The following OR52L1 variants were observed in gnomAD, a reference collection of about 807,000 sequenced individuals.
OR52L1 encodes the protein olfactory receptor family 52 subfamily L member 1.
A neutral mutation model predicts 16.1 loss-of-function variants in OR52L1; 15 were observed. The observed-to-expected ratio is 0.93, with a 90% confidence interval of 0.62 to 1.44. The LOEUF is 1.44. OR52L1 is among the 40% of genes most tolerant of loss of function. The probability of loss-of-function intolerance (pLI) is 0.00; values close to 1 mark genes in which losing one functional copy is unlikely to be tolerated. For missense variants in OR52L1, 406 were observed against 402.3 expected (o/e 1.01, Z -0.08); for synonymous variants, 166 against 159.2 (o/e 1.04, Z -0.32).
In OR52L1 at chr11:5,986,184, A is replaced by G; in HGVS notation, c.747T>C (p.Ser249=). ...TGCTAAACGCCTTAAGTCGGGCCTC[A>G]CTCCCTGGTACCTTCAGCACTGCCT... is the stretch of plus-strand genomic sequence containing the variant. ...ILQAVLKVPG[S]EARLKAFSTC... Residue 249 remains serine, a synonymous_variant, in exon 1 of 1, where the codon AGT becomes AGC. Transcript: ENST00000332249. 1 of 1,613,692 alleles carries G rather than the reference A, an allele frequency of 6.2e-7. No individual in the cohort carries two copies. The highest frequency in any genetic ancestry group is 1.3e-5 in the African/African-American group (1 of 74,956).
Position 5,986,211 on chromosome 11 carries a change from G to A in OR52L1, c.720C>T (p.Leu240=). The A allele has an allele frequency of 1.2e-6, 2 of 1,613,806 alleles. No individual in the cohort carries two copies. Among genetic ancestry groups the A allele is most frequent in the Non-Finnish European group, 8.5e-7 (1 of 1,179,894 alleles). The change falls in exon 1 of 1, where the codon CTC becomes CTT. Residue 240 remains leucine, a synonymous_variant. Coordinates refer to ENST00000332249, the MANE Select transcript of OR52L1 (RefSeq NM_001005173.3). ...TCCCTGGTACCTTCAGCACTGCCTGGAGGATGTGGGCATAGGAAACACCAA... is the reference window on the plus strand; with the variant it reads ...TCCCTGGTACCTTCAGCACTGCCTGAAGGATGTGGGCATAGGAAACACCAA... ...LAIGVSYAHI[L]QAVLKVPGSE...
rs746164401 is a variant in OR52L1, at chr11:5,986,241, C to A, written c.690G>T (p.Leu230=). ...MALLVIGLDV[L]AIGVSYAHIL... Reference sequence around the variant, plus strand: ...TGTGGGCATAGGAAACACCAATGGCCAGAACATCCAGCCCAATCACAAGCA... The same window carrying A: ...TGTGGGCATAGGAAACACCAATGGCAAGAACATCCAGCCCAATCACAAGCA... The change falls in exon 1 of 1, where the codon CTG becomes CTT. Residue 230 remains leucine (L), a synonymous_variant. Transcript: ENST00000332249. The A allele has an allele frequency of 6.2e-6, 10 of 1,613,634 alleles. No homozygotes were observed. The highest frequency in any genetic ancestry group is 8.5e-6 in the Non-Finnish European group (10 of 1,179,886).
Position 5,986,002 on chromosome 11 carries a change from T to C in OR52L1, c.929A>G (p.Tyr310Cys). Residue 310 changes from tyrosine (Y) to cysteine (C), a missense_variant, in exon 1 of 1, where the codon TAT (tyrosine) becomes TGT (cysteine). Coordinates refer to ENST00000332249, the MANE Select transcript of OR52L1 (RefSeq NM_001005173.3). Reference sequence around the variant, plus strand: ...GCGGATCTGCTGAGTCTTCACTCCATAGACAAGAGGATTGAGCGCAGGTGG... The same window carrying C: ...GCGGATCTGCTGAGTCTTCACTCCACAGACAAGAGGATTGAGCGCAGGTGG... The part of the protein sequence containing the change: ...LMPPALNPLV[Y>C]GVKTQQIRQR... The C allele has an allele frequency of 1.2e-6, 2 of 1,612,792 alleles. No homozygotes were observed. Among genetic ancestry groups the C allele is most frequent in the Non-Finnish European group, 1.7e-6 (2 of 1,179,332 alleles).
In OR52L1 at chr11:5,986,435, C is replaced by T; in HGVS notation, c.496G>A (p.Val166Met). ...AGGAGTAGTAATCCCCTCACCAGCA[C>T]CACCATTCCGATGCGCCCTATGACC... Reference protein sequence around the residue: ...PGVIGRIGMVVLVRGLLLLIP... With the variant: ...PGVIGRIGMVMLVRGLLLLIP... Residue 166 changes from valine to methionine, a missense_variant, in exon 1 of 1, where the codon GTG (valine) becomes ATG (methionine). Transcript: ENST00000332249. The T allele has an allele frequency of 1.2e-6, 2 of 1,613,972 alleles. No individual in the cohort carries two copies. Among genetic ancestry groups the T allele is most frequent in the Non-Finnish European group, 1.7e-6 (2 of 1,179,878 alleles).
Position 5,986,735 on chromosome 11 carries a change from T to G in OR52L1, c.196A>C (p.Ile66Leu), listed in dbSNP as rs1848122176. Residue 66 changes from isoleucine (I) to leucine (L), a missense_variant, in exon 1 of 1, where the codon ATC becomes CTC. By Grantham distance (5) the Ile-to-Leu change is conservative. Transcript: ENST00000332249. Reference sequence around the variant, plus strand: ...TGCAAGGATGGGTCCATCCAGATGATGAAGAGAATGGTAACATTGCCCACT... The same window carrying G: ...TGCAAGGATGGGTCCATCCAGATGAGGAAGAGAATGGTAACATTGCCCACT... ...ALVGNVTILF[I>L]IWMDPSLHQS... 8.1e-6 allele frequency: 13 copies of G among 1,613,832 alleles called. No individual in the cohort carries two copies. Among genetic ancestry groups the G allele is most frequent in the Non-Finnish European group, 1.0e-5 (12 of 1,179,846 alleles).
rs372698214 is a variant in OR52L1 at position 5,986,443 on chromosome 11, C to G, written c.488G>C (p.Gly163Ala). 4 of 1,613,990 alleles carry G rather than the reference C, an allele frequency of 2.5e-6. No individual in the cohort carries two copies. The highest frequency in any genetic ancestry group is 3.4e-6 in the Non-Finnish European group (4 of 1,179,876). The change falls in exon 1 of 1, where the codon GGA becomes GCA. Residue 163 changes from glycine to alanine, a missense_variant. Gly to Ala is a moderately conservative substitution (Grantham distance 60). Transcript: ENST00000332249. ...TAATCCCCTCACCAGCACCACCATT[C>G]CGATGCGCCCTATGACCCCTGGATG... ...ILHPGVIGRI[G>A]MVVLVRGLLL...
At position 5,986,639 on chromosome 11, in the gene OR52L1, T is replaced by C; in HGVS notation, c.292A>G (p.Lys98Glu). 4 of 1,613,894 alleles carry C rather than the reference T, an allele frequency of 2.5e-6. No homozygotes were observed. Among genetic ancestry groups the C allele is most frequent in the Non-Finnish European group, 3.4e-6 (4 of 1,179,842 alleles). The change falls in exon 1 of 1, where the codon AAA becomes GAA. Residue 98 changes from lysine (K) to glutamate (E), a missense_variant. By Grantham distance (56) the Lys-to-Glu change is moderately conservative (BLOSUM62 1). Transcript: ENST00000332249. ...DLVLASSTAP[K>E]ALAVLLVHAH... is the part of the protein sequence containing the mutation. Reference sequence around the variant, plus strand: ...TGAACCAGGAGCACTGCAAGGGCTTTGGGTGCAGTGGAGGAGGCCAGAACC... The same window carrying C: ...TGAACCAGGAGCACTGCAAGGGCTTCGGGTGCAGTGGAGGAGGCCAGAACC...
At position 5,985,964 on chromosome 11, in the gene OR52L1, T is replaced by TGA; in HGVS notation, c.965_966dup (p.Arg323SerfsTer?). 6 of 1,609,604 alleles carry TGA rather than the reference T, an allele frequency of 3.7e-6. No homozygotes were observed. The highest frequency in any genetic ancestry group is 5.1e-6 in the Non-Finnish European group (6 of 1,177,718). On this transcript the variant is annotated frameshift_variant, in exon 1 of 1. Transcript: ENST00000332249. LOFTEE classifies it high-confidence loss of function. Reference sequence around the variant, plus strand: ...GATCAATCCTTTTGTGTAAACACTCTGAGCACTCGCTGGCGGATCTGCTGA... The same window carrying TGA: ...GATCAATCCTTTTGTGTAAACACTCTGAGAGCACTCGCTGGCGGATCTGCTGA...
In OR52L1 at chr11:5,986,947, C is replaced by A; in HGVS notation, c.-17G>T. On this transcript the variant is annotated 5_prime_UTR_variant, in exon 1 of 1. The change abolishes the stop of an existing upstream ORF in the 5' untranslated region. Transcript: ENST00000332249. ...CAAAGTCATGATTTCTGCATTCCTG[C>A]TACATTATCACATTGTCCAAATGGG... 1 of 1,607,730 alleles carries A rather than the reference C, an allele frequency of 6.2e-7. No individual in the cohort carries two copies.
chr11:5,986,892 T>C lies in OR52L1; in HGVS notation c.39A>G (p.Pro13=), dbSNP rs376310277. 6.2e-5 allele frequency: 100 copies of C among 1,613,534 alleles called. No individual in the cohort carries two copies. Among genetic ancestry groups the C allele is most frequent in the Non-Finnish European group, 7.5e-5 (89 of 1,179,654 alleles). The part of the protein sequence containing the change: ...LVSFFSFLSK[P]LIMLLSNSSW... Reference sequence around the variant, plus strand: ...TTGAATTGCTAAGGAGCATTATCAATGGCTTGGAGAGGAAAGAGAAAAAAG... The same window carrying C: ...TTGAATTGCTAAGGAGCATTATCAACGGCTTGGAGAGGAAAGAGAAAAAAG... Residue 13 remains proline, a synonymous_variant, in exon 1 of 1, where the codon CCA becomes CCG. Coordinates refer to ENST00000332249, the MANE Select transcript of OR52L1 (RefSeq NM_001005173.3).
rs1252844293 is a variant in OR52L1 at position 5,986,226 on chromosome 11, G to A, written c.705C>T (p.Ser235=). Residue 235 remains serine (S), a synonymous_variant, in exon 1 of 1, where the codon TCC becomes TCT. Transcript: ENST00000332249. The part of the protein sequence containing the change: ...IGLDVLAIGV[S]YAHILQAVLK... ...GCACTGCCTGGAGGATGTGGGCATAGGAAACACCAATGGCCAGAACATCCA... is the reference window on the plus strand; with the variant it reads ...GCACTGCCTGGAGGATGTGGGCATAAGAAACACCAATGGCCAGAACATCCA... 1.2e-6 allele frequency: 2 copies of A among 1,613,754 alleles called. No homozygotes were observed. Among genetic ancestry groups the A allele is most frequent in the Admixed American group, 1.7e-5 (1 of 60,030 alleles).
Position 5,986,897 on chromosome 11 carries a change from T to G in OR52L1, c.34A>C (p.Lys12Gln). The G allele has an allele frequency of 6.2e-7, 1 of 1,613,382 alleles. No homozygotes were observed. Residue 12 changes from lysine to glutamine, a missense_variant, in exon 1 of 1, where the codon AAG becomes CAG. By Grantham distance (53) the Lys-to-Gln change is moderately conservative. Transcript: ENST00000332249. ...TLVSFFSFLS[K>Q]PLIMLLSNSS... ...TTGCTAAGGAGCATTATCAATGGCTTGGAGAGGAAAGAGAAAAAAGAAACC... is the reference window on the plus strand; with the variant it reads ...TTGCTAAGGAGCATTATCAATGGCTGGGAGAGGAAAGAGAAAAAAGAAACC...
chr11:5,986,372 A>C lies in OR52L1; in HGVS notation c.559T>G (p.Cys187Gly), dbSNP rs187535211. ...FPILLGTLIF[C>G]QATIIGHAYC... ...GCATGGCCTATGATGGTGGCTTGGC[A>C]GAAGATAAGTGTTCCCAACAAAATG... is the stretch of plus-strand genomic sequence containing the variant. Residue 187 changes from cysteine (C) to glycine (G), a missense_variant, in exon 1 of 1, where the codon TGC becomes GGC. Cys to Gly is a radical substitution (Grantham distance 159, BLOSUM62 -3). Transcript: ENST00000332249. 2.5e-4 allele frequency: 399 copies of C among 1,613,880 alleles called. No homozygotes were observed. Among genetic ancestry groups the C allele is most frequent in the Non-Finnish European group, 3.2e-4 (381 of 1,179,880 alleles).
Position 5,986,874 on chromosome 11 carries a change from G to T in OR52L1, c.57C>A (p.Ser19Arg). 1 of 1,613,792 alleles carries T rather than the reference G, an allele frequency of 6.2e-7. No homozygotes were observed. Among genetic ancestry groups the T allele is most frequent in the South Asian group, 1.1e-5 (1 of 91,084 alleles). Residue 19 changes from serine to arginine, a missense_variant, in exon 1 of 1, where the codon AGC (serine) becomes AGA (arginine). Ser to Arg is a moderately radical substitution (Grantham distance 110). Coordinates refer to ENST00000332249, the MANE Select transcript of OR52L1 (RefSeq NM_001005173.3). ...FLSKPLIMLLSNSSWRLSQPS... is the reference protein window; with the variant it reads ...FLSKPLIMLLRNSSWRLSQPS... ...GCTGGGATAGCCTCCAGCTTGAATT[G>T]CTAAGGAGCATTATCAATGGCTTGG...
Position 5,986,613 on chromosome 11 carries a change from A to G in OR52L1, c.318T>C (p.His106=). 6.2e-7 allele frequency: 1 copy of G among 1,613,958 alleles called. No homozygotes were observed. Among genetic ancestry groups the G allele is most frequent in the Non-Finnish European group, 8.5e-7 (1 of 1,179,862 alleles). Residue 106 remains histidine (H), a synonymous_variant, in exon 1 of 1, where the codon CAT becomes CAC. Coordinates refer to ENST00000332249, the MANE Select transcript of OR52L1 (RefSeq NM_001005173.3). The stretch of plus-strand genomic sequence containing the variant: ...AGACGATGTACCCAATCTCGTGGGC[A>G]TGAACCAGGAGCACTGCAAGGGCTT... The part of the protein sequence containing the change: ...APKALAVLLV[H]AHEIGYIVCL...
At position 5,986,756 on chromosome 11, in the gene OR52L1, C is replaced by T. The variant is rs2133555926; in HGVS notation, c.175G>A (p.Gly59Ser). The change falls in exon 1 of 1, where the codon GGC becomes AGC. Residue 59 changes from glycine to serine, a missense_variant. Gly to Ser is a moderately conservative substitution (Grantham distance 56). Transcript: ENST00000332249. ...LGILYLLALV[G>S]NVTILFIIWM... The stretch of plus-strand genomic sequence containing the variant: ...ATGATGAAGAGAATGGTAACATTGC[C>T]CACTAAAGCAAGGAGGTAAAGGATG... 6.2e-7 allele frequency: 1 copy of T among 1,613,952 alleles called. No homozygotes were observed. The highest frequency in any genetic ancestry group is 1.1e-5 in the South Asian group (1 of 91,078).
At position 5,986,039 on chromosome 11, in the gene OR52L1, ACC is replaced by A; in HGVS notation, c.890_891del (p.Arg297LeufsTer35). On this transcript the variant is annotated frameshift_variant, in exon 1 of 1. Transcript: ENST00000332249. LOFTEE classifies it high-confidence loss of function. Reference protein sequence around the residue: ...PHHVHVLLATRYLLMPPALNP... With the variant: ...PHHVHVLLATXYLLMPPALNP... ...TTGAGCGCAGGTGGCATGAGGAGAT[ACC>A]GTGTGGCCAGAAGAACATGGACATG... is the stretch of plus-strand genomic sequence containing the variant. The A allele has an allele frequency of 1.2e-6, 2 of 1,613,812 alleles. No individual in the cohort carries two copies. Among genetic ancestry groups the A allele is most frequent in the Non-Finnish European group, 1.7e-6 (2 of 1,179,776 alleles).
Position 5,986,224 on chromosome 11 carries a change from T to C in OR52L1, c.707A>G (p.Tyr236Cys). The C allele has an allele frequency of 6.2e-7, 1 of 1,613,710 alleles. No homozygotes were observed. Among genetic ancestry groups the C allele is most frequent in the Middle Eastern group, 1.7e-4 (1 of 5,880 alleles). Residue 236 changes from tyrosine to cysteine, a missense_variant, in exon 1 of 1, where the codon TAT becomes TGT. Transcript: ENST00000332249. The stretch of plus-strand genomic sequence containing the variant: ...CAGCACTGCCTGGAGGATGTGGGCA[T>C]AGGAAACACCAATGGCCAGAACATC... ...GLDVLAIGVS[Y>C]AHILQAVLKV...
chr11:5,986,660 G>A lies in OR52L1; in HGVS notation c.271C>T (p.Leu91=), dbSNP rs200386149. The A allele has an allele frequency of 6.2e-7, 1 of 1,613,848 alleles. No homozygotes were observed. The highest frequency in any genetic ancestry group is 8.5e-7 in the Non-Finnish European group (1 of 1,179,866). ...LSMLAAIDLV[L]ASSTAPKALA... ...GCTTTGGGTGCAGTGGAGGAGGCCA[G>A]AACCAGGTCGATGGCAGCTAGCATG... Residue 91 remains leucine (L), a synonymous_variant, in exon 1 of 1, where the codon CTG becomes TTG. Coordinates refer to ENST00000332249, the MANE Select transcript of OR52L1 (RefSeq NM_001005173.3).
Sources: gnomAD v4.1 joint callset for allele counts on GRCh38, gnomAD v4.1.1 for gene constraint, MANE v1.5 for transcripts, NCBI Gene and HGNC (gene_info 2026-07-23, HGNC 2026-07-21) for gene names.